Variants in IKZF3 observed in about 807,000 individuals in gnomAD.
The protein encoded by IKZF3 is zinc finger protein Aiolos.
In IKZF3, 10 loss-of-function variants were observed where a neutral mutation model predicts 49.0. That is an observed-to-expected ratio of 0.20 (90% CI 0.13 to 0.35). The LOEUF (loss-of-function observed/expected upper bound fraction) is 0.35. Among genes scored for constraint, IKZF3 ranks in the 10% least tolerant of loss-of-function variants. The pLI, the probability that IKZF3 is intolerant of heterozygous loss-of-function variation, is 1.00. For missense variants in IKZF3, 498 were observed against 664.8 expected, an observed-to-expected ratio of 0.75 and a Z score of 2.76; for synonymous variants, 209 against 228.2, an observed-to-expected ratio of 0.92 and a Z score of 0.76.
chr17:39,801,067 A>T (rs2061304581), intron 3 of IKZF3, among the ~76,000 whole-genome samples: 1 of 152,164 alleles, frequency 6.6e-6, no homozygotes, highest in South Asian at 2.1e-4. Context: ...AACTCTACGA[A>T]GGACAAAGTT....
chr17:39,787,909 T>C lies in IKZF3; in HGVS notation c.709+349A>G, dbSNP rs190048710. Among the ~76,000 whole-genome samples the C allele has an allele frequency of 8.5e-4, 130 of 152,370 alleles. 1 individual carries two copies. The highest frequency in any genetic ancestry group is 1.6e-3 in the Non-Finnish European group (107 of 68,034). ...GCTTCAGGTCCCATTACTCACTGTG[T>C]TCCAGACACACAGAACTACGTACAC... On this transcript the variant is annotated intron_variant, in intron 6 of 7. Coordinates refer to ENST00000346872, the MANE Select transcript of IKZF3 (RefSeq NM_012481.5).
intron 7 of IKZF3, among the ~76,000 whole-genome samples, chr17:39,777,110 A>C (rs1402733825): frequency 6.6e-6 from 1 of 152,222 alleles, no homozygotes; most frequent in African/African-American, 2.4e-5. Context: ...CAATGTGAAA[A>C]CCAATGGCAT....
intron 1 of IKZF3, among the ~76,000 whole-genome samples, chr17:39,841,013 C>T (rs138629589): frequency 1.3e-5 from 2 of 151,996 alleles, no homozygotes; most frequent in East Asian, 1.9e-4. Context: ...CCCATCTCTA[C>T]GAAAAATACA....
chr17:39,802,183 C>T (rs543344179), intron 3 of IKZF3, among the ~76,000 whole-genome samples: 77 of 119,576 alleles, frequency 6.4e-4, no homozygotes, highest in African/African-American at 2.5e-3. Flanking sequence ...GATCGCACCA[C>T]TGCACTCCAG....
In IKZF3 at chr17:39,864,168, G is replaced by C. The variant is rs117278702; in HGVS notation, c.-42C>G. The C allele has an allele frequency of 1.1e-5, 18 of 1,608,610 alleles. No individual in the cohort carries two copies. Among genetic ancestry groups the C allele is most frequent in the Non-Finnish European group, 1.5e-5 (18 of 1,177,698 alleles). Reference sequence around the variant, plus strand: ...GCTGGAGCTGCCGCTGTGGCTACTCGGCCTCTCCACGTGCTCCTGCCGTCG... The same window carrying C: ...GCTGGAGCTGCCGCTGTGGCTACTCCGCCTCTCCACGTGCTCCTGCCGTCG... On this transcript the variant is annotated 5_prime_UTR_variant, in exon 1 of 8. Transcript: ENST00000346872.
At chr17:39,767,958 G>A (rs2143592421) in intron 7 of IKZF3, among the ~76,000 whole-genome samples, 1 of 152,200 alleles carries the variant, frequency 6.6e-6, no homozygotes, top group South Asian at 2.1e-4. Context: ...AGGCTGAGGT[G>A]GGAGGATCAC....
At chr17:39,818,029 C>T (rs1303843129) in intron 3 of IKZF3, among the ~76,000 whole-genome samples, 2 of 152,178 alleles carry the variant, frequency 1.3e-5, no homozygotes, top group Non-Finnish European at 2.9e-5. Flanking sequence ...CAAACCTAGA[C>T]AGTATGGCCT....
rs1197468538 is a variant in IKZF3 at position 39,762,153 on chromosome 17, T to G, written c.*3637A>C. ...TCTGCATGAGAAAGTACAGGTACTA[T>G]CTGAAGCTGCTCCAGGGCTTCAGTG... On this transcript the variant is annotated 3_prime_UTR_variant, in exon 8 of 8. Coordinates refer to ENST00000346872, the MANE Select transcript of IKZF3 (RefSeq NM_012481.5). The G allele has an allele frequency of 1.3e-5, 2 of 152,230 alleles. No homozygotes were observed. Among genetic ancestry groups the G allele is most frequent in the African/African-American group, 4.8e-5 (2 of 41,444 alleles). The allele number at this position is 152,230 out of a possible 1,614,324, so 9.4% of individuals were successfully genotyped here.
intron 7 of IKZF3, among the ~76,000 whole-genome samples, chr17:39,771,741 T>G (rs2060448816): frequency 6.6e-6 from 1 of 151,924 alleles, no homozygotes; most frequent in African/African-American, 2.4e-5. Flanking sequence ...GTGTGCTTCT[T>G]TTTATTTTTT....
chr17:39,791,955 C>T (rs2143880490), intron 4 of IKZF3, among the ~76,000 whole-genome samples: 1 of 146,272 alleles, frequency 6.8e-6, no homozygotes, highest in East Asian at 2.0e-4. Context: ...GTGCAATGGT[C>T]CCATCATGGC....
intron 6 of IKZF3, among the ~76,000 whole-genome samples, chr17:39,779,163 T>C (rs1468688836): frequency 6.6e-6 from 1 of 152,184 alleles, no homozygotes; most frequent in Non-Finnish European, 1.5e-5. Context: ...CAAATTTATG[T>C]CTAAAGTTCA....
Position 39,765,506 on chromosome 17 carries a change from C to A in IKZF3, c.*284G>T. On this transcript the variant is annotated 3_prime_UTR_variant, in exon 8 of 8. Coordinates refer to ENST00000346872, the MANE Select transcript of IKZF3 (RefSeq NM_012481.5). Reference sequence around the variant, plus strand: ...CACATCTCCGGGACCACTCATTCCACTGCTGTAGAAGATAATGACCAAATA... The same window carrying A: ...CACATCTCCGGGACCACTCATTCCAATGCTGTAGAAGATAATGACCAAATA... 3.2e-6 allele frequency: 1 copy of A among 317,110 alleles called. No homozygotes were observed. Among genetic ancestry groups the A allele is most frequent in the Non-Finnish European group, 5.9e-6 (1 of 170,762 alleles). 19.6% of individuals were successfully genotyped at this position (317,110 alleles called of 1,614,324 possible).
intron 6 of IKZF3, among the ~76,000 whole-genome samples, chr17:39,784,910 T>C (rs1168743907): frequency 6.6e-6 from 1 of 152,234 alleles, no homozygotes; most frequent in African/African-American, 2.4e-5. Context: ...TGCTTGCTTC[T>C]AGAAAGTCCT....
At chr17:39,854,977 G>C (rs1448969821) in intron 1 of IKZF3, among the ~76,000 whole-genome samples, 2 of 152,136 alleles carry the variant, frequency 1.3e-5, no homozygotes, top group African/African-American at 4.8e-5. Flanking sequence ...GATCATTCTG[G>C]CAGCAATCCT....
At chr17:39,817,532 G>A (rs1050785408) in intron 3 of IKZF3, among the ~76,000 whole-genome samples, 2 of 152,002 alleles carry the variant, frequency 1.3e-5, no homozygotes, top group African/African-American at 4.8e-5. Context: ...TCAAACGCCT[G>A]GGCTCAAGTG....
chr17:39,814,753 C>T (rs1473245271), intron 3 of IKZF3, among the ~76,000 whole-genome samples: 1 of 152,158 alleles, frequency 6.6e-6, no homozygotes, highest in Non-Finnish European at 1.5e-5. Context: ...AAGAACTCTT[C>T]CCTAGGCCCT....
At chr17:39,816,919 G>C (rs1336289853) in intron 3 of IKZF3, among the ~76,000 whole-genome samples, 1 of 152,144 alleles carries the variant, frequency 6.6e-6, no homozygotes, top group East Asian at 1.9e-4. Context: ...TCACCATGTT[G>C]GCCAGGCTGG....
At chr17:39,811,449 A>G (rs9915024) in intron 3 of IKZF3, among the ~76,000 whole-genome samples, 5 of 151,726 alleles carry the variant, frequency 3.3e-5, no homozygotes, top group East Asian at 1.9e-4. Context: ...AGGAAGGAAG[A>G]AAGAAAGAAA....
intron 3 of IKZF3, among the ~76,000 whole-genome samples, chr17:39,817,189 T>C (rs1204780055): frequency 6.6e-6 from 1 of 152,196 alleles, no homozygotes; most frequent in African/African-American, 2.4e-5. Context: ...TTCTAAGAAC[T>C]GGAAGCTTAT....
Sources: allele counts gnomAD v4.1 joint callset (sites outside exome capture counted in the v4.1 genomes callset), GRCh38; gene constraint gnomAD v4.1.1; transcripts MANE v1.5; gene names NCBI Gene and HGNC (gene_info 2026-07-23, HGNC 2026-07-21).